Variants in RAB12 observed in about 807,000 individuals in gnomAD.
The protein encoded by RAB12 is RAB12, member RAS oncogene family.
Under a neutral mutation model 28.4 loss-of-function variants are expected in RAB12, and 11 were observed. The observed-to-expected ratio is 0.39, with a 90% CI of 0.24 to 0.64. The LOEUF (loss-of-function observed/expected upper bound fraction) is 0.64. Among genes scored for constraint, RAB12 ranks in the 30% least tolerant of loss-of-function variants. The probability of loss-of-function intolerance (pLI) is 0.50; values close to 1 mark genes in which losing one functional copy is unlikely to be tolerated. For synonymous variants in RAB12, 138 were observed against 145.3 expected, an observed-to-expected ratio of 0.95 and a Z score of 0.36; for missense variants, 276 against 351.1, an observed-to-expected ratio of 0.79 and a Z score of 1.71.
chr18:8,632,244 T>G (rs2096016364), intron 2 of RAB12, among the ~76,000 whole-genome samples: 1 of 149,108 alleles, frequency 6.7e-6, no homozygotes, highest in Non-Finnish European at 1.5e-5. Flanking sequence ...TGTCACTGAT[T>G]GCATTCCAGC....
rs71362034 is a variant in RAB12 at position 8,639,315 on chromosome 18, T to C, written c.*1053T>C. 1 of 152,320 alleles carries C rather than the reference T, an allele frequency of 6.6e-6. No homozygotes were observed. The highest frequency in any genetic ancestry group is 1.5e-5 in the Non-Finnish European group (1 of 67,984). The allele number at this position is 152,320 out of a possible 1,614,324, so 9.4% of individuals were successfully genotyped here. On this transcript the variant is annotated 3_prime_UTR_variant, in exon 6 of 6. Transcript: ENST00000649141. ...ATAACTTGGTGTGTCTTGAGTGTTGTGGTATGAAAAGCATTGTGGTCTTTC... is the reference window on the plus strand; with the variant it reads ...ATAACTTGGTGTGTCTTGAGTGTTGCGGTATGAAAAGCATTGTGGTCTTTC...
At chr18:8,631,687 G>T (rs2096016075) in intron 2 of RAB12, among the ~76,000 whole-genome samples, 1 of 152,194 alleles carries the variant, frequency 6.6e-6, no homozygotes, top group South Asian at 2.1e-4. Flanking sequence ...TTATGGTTTT[G>T]TAAGGGGAAG....
intron 1 of RAB12, among the ~76,000 whole-genome samples, chr18:8,617,932 G>C (rs1405103030): frequency 6.6e-6 from 1 of 152,126 alleles, no homozygotes; most frequent in African/African-American, 2.4e-5. Flanking sequence ...TGTAGATAAG[G>C]CCCTTAGAAT....
At chr18:8,619,622 T>C (rs756534934) in intron 1 of RAB12, among the ~76,000 whole-genome samples, 3 of 152,224 alleles carry the variant, frequency 2.0e-5, no homozygotes, top group Non-Finnish European at 2.9e-5. Context: ...TAACCTTTCA[T>C]TGTGGGCAGT....
Position 8,609,727 on chromosome 18 carries a change from T to G in RAB12, c.288T>G (p.Cys96Trp). Residue 96 changes from cysteine to tryptophan, a missense_variant, in exon 1 of 6, where the codon TGT (cysteine) becomes TGG (tryptophan). Transcript: ENST00000649141. ...GGGCCGAGCGGGAGCCGCATGCGTG[T>G]ATGGATCCGGGCGCCGCGCTGCAGA... ...GRRAEREPHA[C>W]MDPGAALQRR... The G allele has an allele frequency of 8.7e-7, 1 of 1,145,010 alleles. No homozygotes were observed. The highest frequency in any genetic ancestry group is 1.1e-6 in the Non-Finnish European group (1 of 933,448). 70.9% of individuals were successfully genotyped at this position (1,145,010 alleles called of 1,614,324 possible).
chr18:8,623,742 G>A (rs1455611221), intron 1 of RAB12, among the ~76,000 whole-genome samples: 1 of 152,248 alleles, frequency 6.6e-6, no homozygotes, highest in Non-Finnish European at 1.5e-5. Flanking sequence ...CTGAAATTAT[G>A]TGTTATGTGA....
intron 2 of RAB12, among the ~76,000 whole-genome samples, chr18:8,625,732 T>C (rs546299853): frequency 6.6e-6 from 1 of 152,328 alleles, no homozygotes; most frequent in Admixed American, 6.5e-5. Context: ...ATTGAGGTGC[T>C]CTGAGAATGC....
At position 8,638,846 on chromosome 18, in the gene RAB12, T is replaced by C. The variant is rs1206640797; in HGVS notation, c.*584T>C. Reference sequence around the variant, plus strand: ...TGGTAGAATATTACTAGTTAGAGGGTTGGATTTGACTTGGTCCTAAGGCCA... The same window carrying C: ...TGGTAGAATATTACTAGTTAGAGGGCTGGATTTGACTTGGTCCTAAGGCCA... On this transcript the variant is annotated 3_prime_UTR_variant, in exon 6 of 6. Transcript: ENST00000649141. 6.6e-6 allele frequency: 1 copy of C among 152,532 alleles called. No individual in the cohort carries two copies. The highest frequency in any genetic ancestry group is 6.5e-5 in the Admixed American group (1 of 15,270). 9.4% of individuals were successfully genotyped at this position (152,532 alleles called of 1,614,324 possible). A position where few individuals can be genotyped will look rare whatever the true frequency, so the allele number is the denominator to read the frequency against.
At chr18:8,638,066 A>T in intron 5 of RAB12, 83 bp from the exon 6 acceptor site, 1 of 801,138 alleles carries the variant, frequency 1.2e-6, no homozygotes, top group Non-Finnish European at 2.1e-6. Flanking sequence ...GGACCTGTGC[A>T]GTTGAAACTC....
chr18:8,613,829 A>AGT (rs2096005185), intron 1 of RAB12, among the ~76,000 whole-genome samples: 1 of 148,656 alleles, frequency 6.7e-6, no homozygotes, highest in Admixed American at 6.7e-5. Flanking sequence ...CTATAAATAG[A>AGT]AGTAGTAGTA....
rs79930180 is a variant in RAB12, at chr18:8,630,357, A to G, written c.576-2832A>G. Among the ~76,000 whole-genome samples the G allele has an allele frequency of 2.1e-3, 326 of 152,278 alleles. 12 individuals are homozygous for G. The East Asian group carries it at 0.058, about 27-fold the overall frequency. On this transcript the variant is annotated intron_variant, in intron 2 of 5. Coordinates refer to ENST00000649141, the MANE Select transcript of RAB12 (RefSeq NM_001025300.3). ...TTAGCAGTTGGTTGAAAGAGTTATTATCTATAGAAAGCAATGTCTGGGTTA... is the reference window on the plus strand; with the variant it reads ...TTAGCAGTTGGTTGAAAGAGTTATTGTCTATAGAAAGCAATGTCTGGGTTA...
At chr18:8,617,294 T>C (rs993429763) in intron 1 of RAB12, among the ~76,000 whole-genome samples, 4 of 152,220 alleles carry the variant, frequency 2.6e-5, no homozygotes, top group African/African-American at 4.8e-5. Context: ...CACACTGATA[T>C]ATACAGATGA....
At chr18:8,620,801 T>C (rs908316588) in intron 1 of RAB12, among the ~76,000 whole-genome samples, 1 of 152,056 alleles carries the variant, frequency 6.6e-6, no homozygotes, top group Non-Finnish European at 1.5e-5. Flanking sequence ...CGATGTGATA[T>C]GGGCTAGAAG....
intron 1 of RAB12, among the ~76,000 whole-genome samples, chr18:8,612,321 A>G (rs1277776662): frequency 6.6e-6 from 1 of 152,236 alleles, no homozygotes; most frequent in Admixed American, 6.5e-5. Context: ...CTTTAGAAAA[A>G]TGCAAATTAA....
chr18:8,633,122 G>A, intron 2 of RAB12, 67 bp from the exon 3 acceptor site: 1 of 1,585,888 alleles, frequency 6.3e-7, no homozygotes, highest in African/African-American at 1.3e-5. Context: ...ATCTATGTTT[G>A]CATTGGAATG....
chr18:8,622,942 T>C (rs2096010713), intron 1 of RAB12, among the ~76,000 whole-genome samples: 1 of 152,244 alleles, frequency 6.6e-6, no homozygotes. Context: ...TATGGCTCTG[T>C]TCCGCCCGGC....
intron 2 of RAB12, among the ~76,000 whole-genome samples, chr18:8,630,756 A>G (rs1038787948): frequency 9.9e-5 from 15 of 152,264 alleles, no homozygotes; most frequent in African/African-American, 3.4e-4. Flanking sequence ...TTAGATTTCA[A>G]AGGAGCAGTT....
chr18:8,630,051 T>C (rs1298382503), intron 2 of RAB12, among the ~76,000 whole-genome samples: 2 of 152,220 alleles, frequency 1.3e-5, no homozygotes. Context: ...TCTAGGCTTA[T>C]CATAATATAA....
intron 2 of RAB12, among the ~76,000 whole-genome samples, chr18:8,631,757 T>G (rs756433059): frequency 6.6e-6 from 1 of 152,196 alleles, no homozygotes; most frequent in Non-Finnish European, 1.5e-5. Context: ...ACCCTTATGA[T>G]TTATTCTAGA....
Sources: allele counts gnomAD v4.1 joint callset (sites outside exome capture counted in the v4.1 genomes callset), GRCh38; gene constraint gnomAD v4.1.1; transcripts MANE v1.5; gene names NCBI Gene and HGNC (gene_info 2026-07-23, HGNC 2026-07-21).